Variants in UPRT observed in about 807,000 individuals in gnomAD.
The protein encoded by UPRT is uracil phosphoribosyltransferase homolog.
UPRT carries 5 observed loss-of-function variants against 22.6 expected under a neutral mutation model. The ratio of observed to expected loss-of-function variants is 0.22; its 90% CI spans 0.12 to 0.47. UPRT has a LOEUF of 0.47. Among genes scored for constraint, UPRT ranks in the 20% least tolerant of loss-of-function variants. UPRT has a pLI of 0.99. For missense variants in UPRT, 181 were observed against 239.9 expected, an observed-to-expected ratio of 0.75 and a Z score of 1.62; for synonymous variants, 77 against 87.7, an observed-to-expected ratio of 0.88 and a Z score of 0.68.
intron 1 of UPRT, among the ~76,000 whole-genome samples, chrX:75,157,185 A>G (rs1486452335): frequency 8.9e-6 from 1 of 112,254 alleles, no homozygotes; most frequent in Non-Finnish European, 1.9e-5. Flanking sequence ...AACCCCGGAG[A>G]CAATAATGCA....
chrX:75,231,866 A>T (rs756976064), intron 4 of UPRT, among the ~76,000 whole-genome samples: 100 of 112,411 alleles, frequency 8.9e-4, no homozygotes, highest in Middle Eastern at 4.6e-3. Flanking sequence ...AAGGAGAGAT[A>T]AAGTCTTTCT....
chrX:75,178,760 A>G (rs906105033), intron 4 of UPRT, among the ~76,000 whole-genome samples: 1 of 111,020 alleles, frequency 9.0e-6, no homozygotes, highest in Non-Finnish European at 1.9e-5. Flanking sequence ...GGTGAGTGTT[A>G]CAGCTCATAA....
chrX:75,253,852 C>T (rs1007004484), intron 4 of UPRT, among the ~76,000 whole-genome samples: 4 of 111,976 alleles, frequency 3.6e-5, no homozygotes, highest in Non-Finnish European at 7.5e-5. Flanking sequence ...TTACCTGGAG[C>T]TGAGTCAATT....
chrX:75,232,948 C>T (rs1010663564), intron 4 of UPRT, among the ~76,000 whole-genome samples: 5 of 112,351 alleles, frequency 4.5e-5, no homozygotes, highest in African/African-American at 1.3e-4. Context: ...ATGATTTTGA[C>T]GAGCTGAGAG....
intron 4 of UPRT, among the ~76,000 whole-genome samples, chrX:75,239,448 C>T (rs1044724070): frequency 1.8e-5 from 2 of 110,883 alleles, no homozygotes; most frequent in Admixed American, 1.9e-4. Context: ...AAGATTGAAA[C>T]AGTAATAAAA....
intron 4 of UPRT, among the ~76,000 whole-genome samples, chrX:75,181,068 C>T (rs1046876060): frequency 1.4e-4 from 15 of 110,895 alleles, no homozygotes; most frequent in African/African-American, 4.3e-4. Context: ...CAGTCTTCTG[C>T]GTATGCTAGC....
At chrX:75,250,645 G>A (rs2082525877) in intron 4 of UPRT, among the ~76,000 whole-genome samples, 1 of 111,066 alleles carries the variant, frequency 9.0e-6, no homozygotes, top group African/African-American at 3.3e-5. Context: ...AGGAGGAGCT[G>A]GTACCATTCC....
chrX:75,171,089 T>G (rs1010472653), intron 4 of UPRT, among the ~76,000 whole-genome samples: 1 of 111,216 alleles, frequency 9.0e-6, no homozygotes, highest in Non-Finnish European at 1.9e-5. Flanking sequence ...CAGGTGTTCT[T>G]TGAGCTTTTT....
chrX:75,187,782 A>G (rs2082299531), intron 4 of UPRT, among the ~76,000 whole-genome samples: 1 of 111,299 alleles, frequency 9.0e-6, no homozygotes, highest in African/African-American at 3.3e-5. Flanking sequence ...TTCATCTTCC[A>G]TTGCTGATAC....
chrX:75,223,255 A>G (rs1342834196), intron 4 of UPRT, among the ~76,000 whole-genome samples: 2 of 108,936 alleles, frequency 1.8e-5, no homozygotes, highest in African/African-American at 6.7e-5. Context: ...CCTTTCCTCA[A>G]GCAGAAGGAA....
intron 3 of UPRT, 102 bp from the exon 4 acceptor site, chrX:75,297,389 G>C: frequency 1.4e-6 from 1 of 738,235 alleles, no homozygotes; most frequent in Non-Finnish European, 2.1e-6. Context: ...GTCTGAACAA[G>C]GGTTGCTTTG....
rs775897883 is a variant in UPRT, at chrX:75,156,674, A to T, written c.-737+124A>T. The T allele has an allele frequency of 4.1e-5, 14 of 339,913 alleles. No individual in the cohort carries two copies. The East Asian group carries it at 1.3e-3, about 31-fold the overall frequency. 28.0% of individuals were successfully genotyped at this position (339,913 alleles called of 1,213,427 possible). ...AATACTCTCTTACCTCCTCCAACTC[A>T]ATGTCACGCTCCCCTCTCTCCATTT... On this transcript the variant is annotated intron_variant, in intron 1 of 13. Coordinates refer to the UPRT transcript ENST00000652605.
At chrX:75,220,688 T>C (rs2082407081) in intron 4 of UPRT, among the ~76,000 whole-genome samples, 1 of 111,955 alleles carries the variant, frequency 8.9e-6, no homozygotes, top group Non-Finnish European at 1.9e-5. Flanking sequence ...TGAGAAGCAA[T>C]GAAAAAACTA....
chrX:75,214,909 T>A (rs1426097661), intron 4 of UPRT, among the ~76,000 whole-genome samples: 1 of 109,730 alleles, frequency 9.1e-6, no homozygotes, highest in South Asian at 4.0e-4. Flanking sequence ...TAAGGCTTTG[T>A]CTCAAAAAAA....
At chrX:75,276,914 A>G (rs1217204470) in intron 1 of UPRT, among the ~76,000 whole-genome samples, 1 of 111,484 alleles carries the variant, frequency 9.0e-6, no homozygotes, top group Admixed American at 9.6e-5. Flanking sequence ...AAAGCCCTAG[A>G]CAATCATTAA....
chrX:75,185,309 A>G (rs1376538042), intron 4 of UPRT, among the ~76,000 whole-genome samples: 1 of 112,022 alleles, frequency 8.9e-6, no homozygotes, highest in Non-Finnish European at 1.9e-5. Context: ...TTCTGTGTAT[A>G]TGCTGGATTA....
intron 4 of UPRT, among the ~76,000 whole-genome samples, 172 bp from the exon 5 acceptor site, chrX:75,299,563 C>T (rs752342706): frequency 8.9e-6 from 1 of 111,944 alleles, no homozygotes; most frequent in Non-Finnish European, 1.9e-5. Context: ...CATTAACCTC[C>T]ACTAAGTATG....
At chrX:75,235,745 C>A (rs899948563) in intron 4 of UPRT, among the ~76,000 whole-genome samples, 2 of 111,826 alleles carry the variant, frequency 1.8e-5, no homozygotes, top group South Asian at 3.7e-4. Context: ...CAAAATTCAA[C>A]AACGCTTCAT....
At chrX:75,228,268 T>C (rs982394250) in intron 4 of UPRT, among the ~76,000 whole-genome samples, 7 of 111,990 alleles carry the variant, frequency 6.3e-5, no homozygotes, top group Non-Finnish European at 1.1e-4. Flanking sequence ...TGTCAATGGA[T>C]GCAGTCTGCA....
Sources: allele counts gnomAD v4.1 joint callset (sites outside exome capture counted in the v4.1 genomes callset), GRCh38; gene constraint gnomAD v4.1.1; transcripts MANE v1.5; gene names NCBI Gene and HGNC (gene_info 2026-07-23, HGNC 2026-07-21).